Variants in MAP3K13 observed in about 807,000 individuals in gnomAD.
MAP3K13 encodes the protein leucine zipper-bearing kinase.
Under a neutral mutation model 104.0 loss-of-function variants are expected in MAP3K13, and 52 were observed. That is an observed-to-expected ratio of 0.50 (90% CI 0.40 to 0.63). The LOEUF (loss-of-function observed/expected upper bound fraction) is 0.63. MAP3K13 is among the 20% of genes least tolerant of loss of function. MAP3K13 has a pLI of 0.00. For missense variants in MAP3K13, 914 were observed against 1,218.5 expected (o/e 0.75, Z 3.72); for synonymous variants, 394 against 442.2 (o/e 0.89, Z 1.37).
intron 9 of MAP3K13, 51 bp from the exon 10 acceptor site, chr3:185,466,775 A>G: frequency 6.2e-7 from 1 of 1,608,244 alleles, no homozygotes; most frequent in Non-Finnish European, 8.5e-7. Context: ...TATTCTGCCT[A>G]TCCTTTCTGT....
At chr3:185,306,614 T>C (rs898613164) in intron 2 of MAP3K13, among the ~76,000 whole-genome samples, 4 of 152,190 alleles carry the variant, frequency 2.6e-5, no homozygotes, top group Admixed American at 1.3e-4. Flanking sequence ...CTTTGCACAC[T>C]TTTAATGGGG....
chr3:185,433,926 T>A (rs1291631871), intron 2 of MAP3K13, among the ~76,000 whole-genome samples: 1 of 151,880 alleles, frequency 6.6e-6, no homozygotes, highest in Non-Finnish European at 1.5e-5. Context: ...TAAAGCAATA[T>A]GAAAAGAAAG....
intron 7 of MAP3K13, among the ~76,000 whole-genome samples, chr3:185,453,740 C>G (rs10222472): frequency 0.75 from 105,557 of 141,440 alleles, 40,626 homozygotes; most frequent in Non-Finnish European, 0.84. Flanking sequence ...CTGCACTCCA[C>G]CCTGGGGGAC....
chr3:185,409,278 G>T (rs751312937), intron 1 of MAP3K13, among the ~76,000 whole-genome samples: 2 of 152,240 alleles, frequency 1.3e-5, no homozygotes, highest in Non-Finnish European at 2.9e-5. Context: ...TGAGGCAGAA[G>T]AATTGTTTGA....
chr3:185,413,259 G>A (rs1386135154), intron 1 of MAP3K13, among the ~76,000 whole-genome samples: 2 of 152,138 alleles, frequency 1.3e-5, no homozygotes, highest in Non-Finnish European at 2.9e-5. Flanking sequence ...CCACAATGTT[G>A]GTTAATCCTT....
In MAP3K13 at chr3:185,383,943, T is replaced by C. The variant is rs150291794; in HGVS notation, c.-86+20575T>C. Among the ~76,000 whole-genome samples the C allele has an allele frequency of 5.4e-3, 827 of 152,348 alleles. 8 individuals carry two copies. The highest frequency in any genetic ancestry group is 0.01 in the Middle Eastern group (3 of 294). On this transcript the variant is annotated intron_variant, in intron 1 of 13. Coordinates refer to ENST00000265026, the MANE Select transcript of MAP3K13 (RefSeq NM_004721.5). ...TCATTGAACAATTACCAGTTTCTTG[T>C]GTTAGGAACATTTCAAATCTTCTTT...
chr3:185,395,357 C>CTTTTTTT (rs770336517), intron 1 of MAP3K13, among the ~76,000 whole-genome samples: 16 of 69,882 alleles, frequency 2.3e-4, no homozygotes, highest in East Asian at 5.3e-4. Context: ...AATATTATTT[C>CTTTTTTT]TTTTTTTTTT....
In MAP3K13 at chr3:185,480,282, A is replaced by G. The variant is rs1718368283; in HGVS notation, c.2552A>G (p.Glu851Gly). ...SCQSYSTFSS[E>G]NFSVSDGEEG... ...CAGTCATATTCAACCTTTAGCTCTG[A>G]GAATTTCTCTGTGTCTGATGGAGAA... The change falls in exon 13 of 14, where the codon GAG becomes GGG. Residue 851 changes from glutamate (E) to glycine (G), a missense_variant. By Grantham distance (98) the Glu-to-Gly change is moderately conservative. Transcript: ENST00000265026. 6.2e-7 allele frequency: 1 copy of G among 1,614,084 alleles called. No homozygotes were observed. The highest frequency in any genetic ancestry group is 1.3e-5 in the African/African-American group (1 of 74,928).
intron 5 of MAP3K13, among the ~76,000 whole-genome samples, chr3:185,449,371 TAAAAAA>T (rs61621090): frequency 0.015 from 1,209 of 80,776 alleles, 22 homozygotes; most frequent in African/African-American, 0.052. Flanking sequence ...AGATGCTGTC[TAAAAAA>T]AAAAAAAAAA....
At chr3:185,434,098 G>A (rs924732543) in intron 2 of MAP3K13, among the ~76,000 whole-genome samples, 4 of 151,932 alleles carry the variant, frequency 2.6e-5, no homozygotes, top group African/African-American at 7.2e-5. Flanking sequence ...ACTAGGCAGT[G>A]GAAGAAATTA....
chr3:185,476,250 C>T (rs1333980650), intron 11 of MAP3K13, among the ~76,000 whole-genome samples: 1 of 151,550 alleles, frequency 6.6e-6, no homozygotes, highest in African/African-American at 2.4e-5. Context: ...CTCACTCCCA[C>T]AGAGCAGCTC....
Position 185,418,730 on chromosome 3 carries a change from A to G in MAP3K13, c.-85-9767A>G, listed in dbSNP as rs1713949068. ...GGCTAAGTGACATTTTTGCCAGATG[A>G]CTCCCCCTTTTCGGAGTACACCGAT... On this transcript the variant is annotated intron_variant, in intron 1 of 13. Transcript: ENST00000265026. This position sits in a 1 kb window ranked among gnomAD's most constrained non-coding sequence, Gnocchi z 4.5. The G allele has an allele frequency of 2.5e-6, 4 of 1,609,716 alleles. No individual in the cohort carries two copies. Among genetic ancestry groups the G allele is most frequent in the Admixed American group, 3.3e-5 (2 of 59,930 alleles).
intron 2 of MAP3K13, among the ~76,000 whole-genome samples, chr3:185,313,269 GTTTT>G (rs34876743): frequency 8.6e-6 from 1 of 116,586 alleles, no homozygotes. Flanking sequence ...AATAGTACAA[GTTTT>G]TTTTTTTTTT....
At chr3:185,304,737 G>A (rs1018455901) in intron 2 of MAP3K13, among the ~76,000 whole-genome samples, 4 of 152,086 alleles carry the variant, frequency 2.6e-5, no homozygotes, top group Admixed American at 6.5e-5. Flanking sequence ...GGGTTCAAGC[G>A]ATTCTCCTGC....
chr3:185,389,154 G>A (rs1017894572), intron 1 of MAP3K13, among the ~76,000 whole-genome samples: 1 of 152,092 alleles, frequency 6.6e-6, no homozygotes, highest in Admixed American at 6.5e-5. Flanking sequence ...AGGTAAACTA[G>A]GTACTTAATA....
At chr3:185,455,423 G>GAGAT (rs1560119480) in intron 7 of MAP3K13, among the ~76,000 whole-genome samples, 1 of 40,834 alleles carries the variant, frequency 2.4e-5, no homozygotes, top group African/African-American at 9.3e-5. Context: ...AGATATATAT[G>GAGAT]ATATATATGA....
At chr3:185,448,628 G>C (rs936184850) in intron 5 of MAP3K13, among the ~76,000 whole-genome samples, 5 of 152,120 alleles carry the variant, frequency 3.3e-5, no homozygotes, top group African/African-American at 1.2e-4. Context: ...GTAGAAATGT[G>C]GGGTCATTCG....
At chr3:185,303,558 T>G (rs1721180220) in intron 2 of MAP3K13, among the ~76,000 whole-genome samples, 1 of 151,990 alleles carries the variant, frequency 6.6e-6, no homozygotes, top group Non-Finnish European at 1.5e-5. Context: ...GTAGGTTGTA[T>G]GTTTCTAGAA....
chr3:185,465,944 C>G, intron 9 of MAP3K13, 81 bp downstream of exon 9: 1 of 985,436 alleles, frequency 1.0e-6, no homozygotes, highest in Non-Finnish European at 1.6e-6. Context: ...CATGTTGCTG[C>G]TACTCAGAAC....
Sources: allele counts gnomAD v4.1 joint callset (sites outside exome capture counted in the v4.1 genomes callset), GRCh38; gene constraint gnomAD v4.1.1; non-coding constraint Gnocchi (gnomAD v3.1); transcripts MANE v1.5; gene names NCBI Gene and HGNC (gene_info 2026-07-23, HGNC 2026-07-21).